CEP128: variants seen among roughly 807,000 people sequenced by gnomAD.
CEP128 encodes centrosomal protein 128, also known as centrosomal protein 128kDa.
In CEP128, 132 loss-of-function variants were observed where a neutral mutation model predicts 156.7. The ratio of observed to expected loss-of-function variants is 0.84; its 90% CI spans 0.73 to 0.97. The LOEUF (loss-of-function observed/expected upper bound fraction) is 0.97. CEP128 is among the 50% of genes least tolerant of loss of function. CEP128 has a pLI of 0.00. For synonymous variants in CEP128, 469 were observed against 448.9 expected (o/e 1.04, Z -0.57); for missense variants, 1,252 against 1,281.9 (o/e 0.98, Z 0.36).
chr14:80,912,004 G>T (rs1884250261), intron 4 of CEP128, among the ~76,000 whole-genome samples: 1 of 152,262 alleles, frequency 6.6e-6, no homozygotes, highest in South Asian at 2.1e-4. Flanking sequence ...GGATCACAAG[G>T]TCAGGAGATC....
intron 19 of CEP128, among the ~76,000 whole-genome samples, chr14:80,740,494 CTAGATAGATAGATAGA>C (rs200610505): frequency 0.054 from 7,643 of 140,802 alleles, 192 homozygotes; most frequent in Non-Finnish European, 0.063. Context: ...ATATTTATAT[CTAGATAGATAGATAGA>C]TAGATAGATA....
chr14:80,958,608 A>G (rs946205683), intron 1 of CEP128, among the ~76,000 whole-genome samples: 3 of 152,194 alleles, frequency 2.0e-5, no homozygotes, highest in Admixed American at 6.5e-5. Flanking sequence ...GAAGAGAGGC[A>G]AGGAGGACAA....
rs535710828 is a variant in CEP128, at chr14:80,521,762, C to T, written c.3072+5107G>A. The stretch of plus-strand genomic sequence containing the variant: ...GAAGTTTTTAAAATCACCAGTTTAA[C>T]ATGTATTGTACACTCACTGTGTGTT... On this transcript the variant is annotated intron_variant, in intron 23 of 24. Transcript: ENST00000555265. 8.4e-4 allele frequency among the ~76,000 whole-genome samples: 128 copies of T among 152,264 alleles called. 1 individual carries two copies. The Middle Eastern group carries it at 0.014, about 16-fold the overall frequency.
At chr14:80,826,471 C>A (rs958840413) in intron 13 of CEP128, among the ~76,000 whole-genome samples, 1 of 152,070 alleles carries the variant, frequency 6.6e-6, no homozygotes, top group Admixed American at 6.5e-5. Flanking sequence ...AGGGTTTAAT[C>A]TCATTATTAA....
intron 21 of CEP128, 33 bp from the exon 22 acceptor site, chr14:80,530,919 A>AC (rs1889197865): frequency 8.4e-6 from 12 of 1,432,326 alleles, no homozygotes; most frequent in Non-Finnish European, 1.2e-5. Context: ...ACCAAACATT[A>AC]TAAAAAATTG....
intron 19 of CEP128, among the ~76,000 whole-genome samples, chr14:80,620,370 C>T (rs1478500008): frequency 1.3e-5 from 2 of 151,882 alleles, no homozygotes; most frequent in African/African-American, 4.8e-5. Context: ...GAACTGTAAT[C>T]CTAGGAATAA....
At chr14:80,532,303 C>T (rs914762780) in intron 21 of CEP128, among the ~76,000 whole-genome samples, 2 of 152,100 alleles carry the variant, frequency 1.3e-5, no homozygotes, top group Non-Finnish European at 2.9e-5. Flanking sequence ...AAGGGATCCT[C>T]TGACCTCAGC....
chr14:80,508,611 T>G (rs1179259875), intron 23 of CEP128, among the ~76,000 whole-genome samples: 1 of 152,172 alleles, frequency 6.6e-6, no homozygotes, highest in Non-Finnish European at 1.5e-5. Flanking sequence ...CAAAAACTTT[T>G]GTCCATATTT....
At chr14:80,626,578 G>C (rs542279371) in intron 19 of CEP128, among the ~76,000 whole-genome samples, 7 of 151,846 alleles carry the variant, frequency 4.6e-5, no homozygotes, top group African/African-American at 1.7e-4. Context: ...AATGGAGGAA[G>C]GGGCCACAAC....
intron 13 of CEP128, among the ~76,000 whole-genome samples, chr14:80,817,229 A>C (rs1335323180): frequency 6.6e-6 from 1 of 152,194 alleles, no homozygotes. Context: ...ACTAAAAAAA[A>C]CCCAAGACAG....
chr14:80,947,513 G>A (rs1043639758), intron 2 of CEP128, among the ~76,000 whole-genome samples: 4 of 152,170 alleles, frequency 2.6e-5, no homozygotes, highest in Admixed American at 1.3e-4. Flanking sequence ...AATTTATTAA[G>A]ATGTCAAAAT....
intron 19 of CEP128, among the ~76,000 whole-genome samples, chr14:80,593,546 CAAAAAAAAAAA>C (rs780221928): frequency 1.3e-5 from 1 of 77,838 alleles, no homozygotes; most frequent in Non-Finnish European, 2.6e-5. Flanking sequence ...GACTCCATCT[CAAAAAAAAAAA>C]AAAAAAAAGA....
intron 19 of CEP128, among the ~76,000 whole-genome samples, chr14:80,732,830 GAC>G (rs1898344252): frequency 6.6e-6 from 1 of 152,086 alleles, no homozygotes; most frequent in Non-Finnish European, 1.5e-5. Flanking sequence ...TCCAGCAGAA[GAC>G]ACAGACTACA....
At position 80,939,521 on chromosome 14, in the gene CEP128, C is replaced by G. The variant is rs1886031147; in HGVS notation, c.-152G>C. On this transcript the variant is annotated 5_prime_UTR_variant, in exon 2 of 25. Transcript: ENST00000555265. ...TCAAGCCGATGATCTTTGGTTGCCC[C>G]TACACTTTCCCCAAACCACCTACAA... 1 of 152,172 alleles carries G rather than the reference C, an allele frequency of 6.6e-6. No individual in the cohort carries two copies. Among genetic ancestry groups the G allele is most frequent in the Non-Finnish European group, 1.5e-5 (1 of 68,034 alleles). The allele number at this position is 152,172 out of a possible 1,614,324, so 9.4% of individuals were successfully genotyped here.
At chr14:80,895,022 C>T (rs999986343) in intron 8 of CEP128, among the ~76,000 whole-genome samples, 20 of 151,810 alleles carry the variant, frequency 1.3e-4, no homozygotes, top group African/African-American at 4.8e-4. Context: ...TGAATAAATA[C>T]ACTCCTGAAG....
chr14:80,856,790 G>C (rs1462503071), intron 9 of CEP128, among the ~76,000 whole-genome samples: 1 of 136,074 alleles, frequency 7.3e-6, no homozygotes, highest in East Asian at 2.3e-4. Flanking sequence ...GAGTGCAGTG[G>C]TACAATTCCA....
intron 21 of CEP128, among the ~76,000 whole-genome samples, chr14:80,556,944 G>A (rs1181558941): frequency 2.0e-5 from 3 of 152,140 alleles, no homozygotes; most frequent in Non-Finnish European, 2.9e-5. Flanking sequence ...AATGTCATAT[G>A]AAATCAAAGG....
chr14:80,810,319 T>C (rs1187449304), intron 13 of CEP128, among the ~76,000 whole-genome samples: 53 of 27,282 alleles, frequency 1.9e-3, no homozygotes, highest in Admixed American at 5.0e-3. Flanking sequence ...CAAGACTCCA[T>C]CTCCAAAAAA....
At chr14:80,609,719 A>G (rs1045113715) in intron 19 of CEP128, among the ~76,000 whole-genome samples, 2 of 151,990 alleles carry the variant, frequency 1.3e-5, no homozygotes, top group East Asian at 3.8e-4. Context: ...ATAGCAAAAC[A>G]CTCCATCTTT....
Sources: gnomAD v4.1 joint callset for allele counts (sites outside exome capture counted in the v4.1 genomes callset) on GRCh38, gnomAD v4.1.1 for gene constraint, MANE v1.5 for transcripts, NCBI Gene and HGNC (gene_info 2026-07-23, HGNC 2026-07-21) for gene names.